The following FBLN2 variants were observed in gnomAD, a reference collection of about 807,000 sequenced individuals.
FBLN2 encodes the protein fibulin 2, also known as fibulin-2.
In FBLN2, 81 loss-of-function variants were observed where a neutral mutation model predicts 123.7. That is an observed-to-expected ratio of 0.65 (90% CI 0.55 to 0.79). The LOEUF (loss-of-function observed/expected upper bound fraction) is 0.79. FBLN2 is among the 30% of genes least tolerant of loss of function. FBLN2 has a pLI of 0.00. For synonymous variants in FBLN2, 699 were observed against 701.4 expected (o/e 1.00, Z 0.05); for missense variants, 1,603 against 1,681.3 (o/e 0.95, Z 0.81).
At chr3:13,594,079 T>A (rs1401134732) in intron 2 of FBLN2, among the ~76,000 whole-genome samples, 1 of 152,250 alleles carries the variant, frequency 6.6e-6, no homozygotes, top group Non-Finnish European at 1.5e-5. Context: ...TTTCTGTGGT[T>A]GTCTCTTTAG....
At chr3:13,617,483 C>T (rs1004388930) in intron 5 of FBLN2, among the ~76,000 whole-genome samples, 12 of 151,046 alleles carry the variant, frequency 7.9e-5, no homozygotes, top group African/African-American at 2.9e-4. Flanking sequence ...AATACTCATT[C>T]ATCCGTCTAC....
At chr3:13,594,678 C>T (rs1201864755) in intron 2 of FBLN2, among the ~76,000 whole-genome samples, 1 of 152,158 alleles carries the variant, frequency 6.6e-6, no homozygotes, top group African/African-American at 2.4e-5. Flanking sequence ...GACCTGGGCC[C>T]AGGAAACAGC....
At chr3:13,631,830 G>C (rs1274663224) in intron 16 of FBLN2, among the ~76,000 whole-genome samples, 1 of 152,198 alleles carries the variant, frequency 6.6e-6, no homozygotes, top group South Asian at 2.1e-4. Flanking sequence ...TGTTATGCAG[G>C]GACAAGGGGA....
intron 1 of FBLN2, among the ~76,000 whole-genome samples, chr3:13,560,596 G>C (rs1703576229): frequency 6.6e-6 from 1 of 152,178 alleles, no homozygotes; most frequent in African/African-American, 2.4e-5. Context: ...CTGGTCTTTT[G>C]CACATCGTGC....
chr3:13,608,226 C>A, intron 3 of FBLN2, 53 bp downstream of exon 3: 2 of 1,351,456 alleles, frequency 1.5e-6, no homozygotes, highest in Non-Finnish European at 2.1e-6. Context: ...TTCTCCAGAA[C>A]CCTGCTTGCC....
chr3:13,633,800 A>G lies in FBLN2; in HGVS notation c.3214+2343A>G, dbSNP rs186587781. The stretch of plus-strand genomic sequence containing the variant: ...GCACACTCCATGAAGGTAGGGCCCT[A>G]TCTGTCCGGCTCACCAGCATCTAGA... On this transcript the variant is annotated intron_variant, in intron 16 of 17. Transcript: ENST00000404922. 7.9e-5 allele frequency among the ~76,000 whole-genome samples: 12 copies of G among 152,326 alleles called. No individual in the cohort carries two copies. In the East Asian group the frequency reaches 2.3e-3, roughly 29 times the overall value.
At chr3:13,586,801 A>T (rs1331535739) in intron 2 of FBLN2, among the ~76,000 whole-genome samples, 1 of 149,222 alleles carries the variant, frequency 6.7e-6, no homozygotes, top group Non-Finnish European at 1.5e-5. Flanking sequence ...GAGCCACCTC[A>T]CCCGGCCTAT....
In FBLN2 at chr3:13,570,399, G is replaced by GCCTGGC. The variant is rs780685392; in HGVS notation, c.56_61dup (p.Ala19_Leu20dup). On this transcript the variant is annotated inframe_insertion, in exon 2 of 18. Transcript: ENST00000404922. ...CCTGCAGGAGCCTGGCTTGCTCTGG[G>GCCTGGC]CCTGGCCCTGGCCCTGGGCCCCAGC... 5.9e-5 allele frequency: 94 copies of GCCTGGC among 1,579,978 alleles called. No individual in the cohort carries two copies. The South Asian group carries it at 7.2e-4, about 12-fold the overall frequency.
chr3:13,636,348 G>C, intron 16 of FBLN2, 97 bp from the exon 17 acceptor site: 2 of 1,481,898 alleles, frequency 1.3e-6, no homozygotes, highest in Non-Finnish European at 1.8e-6. Flanking sequence ...TCACAGGTCC[G>C]GCTGCCGTGG....
intron 1 of FBLN2, among the ~76,000 whole-genome samples, chr3:13,558,993 C>T (rs1232103810): frequency 6.6e-6 from 1 of 151,898 alleles, no homozygotes; most frequent in Non-Finnish European, 1.5e-5. Flanking sequence ...TCCAGTTTAG[C>T]AGGAGTTGGG....
intron 4 of FBLN2, among the ~76,000 whole-genome samples, chr3:13,612,532 C>A (rs985752538): frequency 1.3e-5 from 2 of 151,984 alleles, no homozygotes; most frequent in Admixed American, 6.6e-5. Context: ...AGGTGCCCGC[C>A]ACCACGCCCG....
intron 1 of FBLN2, among the ~76,000 whole-genome samples, chr3:13,549,951 C>T (rs1307895638): frequency 1.3e-5 from 2 of 152,234 alleles, no homozygotes; most frequent in African/African-American, 2.4e-5. Context: ...CACATGTGCC[C>T]TTACTGCCCT....
chr3:13,610,897 A>AATTATTATTATTATTATT (rs112793079), intron 4 of FBLN2, among the ~76,000 whole-genome samples: 2,439 of 144,798 alleles, frequency 0.017, 45 homozygotes, highest in East Asian at 0.074. Flanking sequence ...CCTTGTTTTA[A>AATTATTATTATTATTATT]ATTATTATTA....
At chr3:13,576,727 C>G (rs572195507) in intron 2 of FBLN2, among the ~76,000 whole-genome samples, 19 of 152,024 alleles carry the variant, frequency 1.2e-4, no homozygotes, top group South Asian at 2.1e-4. Flanking sequence ...GGATCCCCCC[C>G]CCCCGGGTTC....
At chr3:13,608,680 C>T (rs946857330) in intron 3 of FBLN2, among the ~76,000 whole-genome samples, 1 of 152,164 alleles carries the variant, frequency 6.6e-6, no homozygotes, top group African/African-American at 2.4e-5. Flanking sequence ...CCATGCCTTC[C>T]CTTTTCCAGG....
chr3:13,607,002 C>T (rs972987822), intron 2 of FBLN2, among the ~76,000 whole-genome samples: 1 of 149,812 alleles, frequency 6.7e-6, no homozygotes, highest in Non-Finnish European at 1.5e-5. Context: ...TTTGTTTTTT[C>T]CCCGGGACGG....
At chr3:13,610,032 G>C in intron 4 of FBLN2, among the ~76,000 whole-genome samples, 1 of 152,166 alleles carries the variant, frequency 6.6e-6, no homozygotes, top group Non-Finnish European at 1.5e-5. Context: ...AGGAGAGGTG[G>C]GATAAGTAGT....
chr3:13,637,511 G>C lies in FBLN2; in HGVS notation c.3339-51G>C, dbSNP rs962347644. On this transcript the variant is annotated intron_variant, in intron 17 of 17. Transcript: ENST00000404922. ...CTGTGCCATCTGTGTCCCCGTCTGG[G>C]GATGAGGGGGGTGGGCGAGCTGTGG... 17 of 1,492,156 alleles carry C rather than the reference G, an allele frequency of 1.1e-5. No homozygotes were observed. The Admixed American group carries it at 1.9e-4, about 16-fold the overall frequency. 92.4% of individuals were successfully genotyped at this position (1,492,156 alleles called of 1,614,324 possible). A position where few individuals can be genotyped will look rare whatever the true frequency, so the allele number is the denominator to read the frequency against.
chr3:13,560,663 A>C (rs1048334949), intron 1 of FBLN2, among the ~76,000 whole-genome samples: 2 of 152,216 alleles, frequency 1.3e-5, no homozygotes, highest in Non-Finnish European at 2.9e-5. Context: ...TTCAAGATTG[A>C]AGCCAACTTG....
Sources: allele counts gnomAD v4.1 joint callset (sites outside exome capture counted in the v4.1 genomes callset), GRCh38; gene constraint gnomAD v4.1.1; transcripts MANE v1.5; gene names NCBI Gene and HGNC (gene_info 2026-07-23, HGNC 2026-07-21).